Variants in SNX29 observed in about 807,000 individuals in gnomAD.
SNX29 encodes the protein sorting nexin 29.
In SNX29, 78 loss-of-function variants were observed where a neutral mutation model predicts 102.1. The observed-to-expected ratio is 0.76, with a 90% CI of 0.64 to 0.92. SNX29 has a LOEUF of 0.92. Ranked by LOEUF, SNX29 falls within the 40% of genes least tolerant of loss-of-function variation. The pLI is 0.00. For missense variants in SNX29, 1,280 were observed against 1,061.7 expected, an observed-to-expected ratio of 1.21 and a Z score of -2.86; for synonymous variants, 580 against 414.5, an observed-to-expected ratio of 1.40 and a Z score of -4.85.
In SNX29 at chr16:12,082,435, G is replaced by A. The variant is rs560093917; in HGVS notation, c.1402+3520G>A. 5.3e-5 allele frequency among the ~76,000 whole-genome samples: 8 copies of A among 152,270 alleles called. No homozygotes were observed. The East Asian group carries it at 9.7e-4, about 18-fold the overall frequency. On this transcript the variant is annotated intron_variant, in intron 11 of 20. Coordinates refer to ENST00000566228, the MANE Select transcript of SNX29 (RefSeq NM_032167.5). ...CATGGTGTCTGGGCCTTCCTCAGCC[G>A]CTTTCTGTCTTTGAGGAAGTCACTG...
chr16:12,208,514 G>C (rs2077103079), intron 14 of SNX29, among the ~76,000 whole-genome samples: 1 of 152,154 alleles, frequency 6.6e-6, no homozygotes, highest in South Asian at 2.1e-4. Flanking sequence ...ACTTGGCTGG[G>C]TGTGGTGGCT....
intron 19 of SNX29, among the ~76,000 whole-genome samples, chr16:12,516,788 A>T (rs555155216): frequency 6.6e-6 from 1 of 152,310 alleles, no homozygotes; most frequent in East Asian, 1.9e-4. Context: ...GGAGGGGCCC[A>T]CTGGGGAGCG....
intron 20 of SNX29, chr16:12,557,451 T>G (rs1022417760): frequency 2.6e-5 from 4 of 152,186 alleles, no homozygotes; most frequent in African/African-American, 9.7e-5. Flanking sequence ...AACCTCCTCC[T>G]CCTGGGTTCA....
chr16:12,251,284 G>C (rs1018509778), intron 14 of SNX29, among the ~76,000 whole-genome samples: 5 of 152,234 alleles, frequency 3.3e-5, no homozygotes, highest in African/African-American at 1.2e-4. Flanking sequence ...CAAGGACTTA[G>C]AACAGCAGAA....
intron 15 of SNX29, among the ~76,000 whole-genome samples, chr16:12,305,514 A>G (rs1047274329): frequency 6.6e-6 from 1 of 152,180 alleles, no homozygotes; most frequent in Non-Finnish European, 1.5e-5. Context: ...GTGTGGAGCC[A>G]TAGGCCAGAG....
At chr16:12,321,857 A>T (rs983125292) in intron 15 of SNX29, among the ~76,000 whole-genome samples, 3 of 152,156 alleles carry the variant, frequency 2.0e-5, no homozygotes, top group Non-Finnish European at 2.9e-5. Flanking sequence ...GGTGGGGAAG[A>T]CAGAGAGCCG....
chr16:12,043,020 A>G lies in SNX29; in HGVS notation c.371A>G (p.Asn124Ser), dbSNP rs765698823. The G allele has an allele frequency of 4.3e-6, 7 of 1,613,486 alleles. No homozygotes were observed. Among genetic ancestry groups the G allele is most frequent in the Admixed American group, 3.3e-5 (2 of 59,980 alleles). ...CGCGCCTGGCTGCGCTGTGCCCTCA[A>G]CGAACACTCCCTGGAGCGCTACCTG... is the stretch of plus-strand genomic sequence containing the variant. ...RGRAWLRCALNEHSLERYLHM... is the reference protein window; with the variant it reads ...RGRAWLRCALSEHSLERYLHM... Residue 124 changes from asparagine to serine, a missense_variant, in exon 5 of 21, where the codon AAC becomes AGC. Asn to Ser is a conservative substitution (Grantham distance 46). Coordinates refer to ENST00000566228, the MANE Select transcript of SNX29 (RefSeq NM_032167.5).
intron 14 of SNX29, among the ~76,000 whole-genome samples, chr16:12,231,399 C>T (rs181547328): frequency 3.8e-4 from 58 of 152,206 alleles, no homozygotes; most frequent in South Asian, 1.0e-3. Flanking sequence ...GCTTTTTACC[C>T]CACTTAATCG....
chr16:12,053,687 A>G (rs2050400881), intron 8 of SNX29, among the ~76,000 whole-genome samples: 2 of 147,836 alleles, frequency 1.4e-5, no homozygotes, highest in Admixed American at 1.4e-4. Context: ...TTCTGATGAG[A>G]CTGTGCCTAT....
At chr16:12,554,394 G>A (rs2078191325) in intron 20 of SNX29, among the ~76,000 whole-genome samples, 1 of 152,120 alleles carries the variant, frequency 6.6e-6, no homozygotes, top group Admixed American at 6.5e-5. Flanking sequence ...CCCGTGCATG[G>A]GTGTGCATCG....
At chr16:12,260,960 T>G (rs1307033142) in intron 14 of SNX29, among the ~76,000 whole-genome samples, 1 of 150,022 alleles carries the variant, frequency 6.7e-6, no homozygotes, top group Non-Finnish European at 1.5e-5. Flanking sequence ...TTTGCTGAGC[T>G]CGGGTCTGTG....
chr16:12,234,901 C>A (rs1427313103), intron 14 of SNX29, among the ~76,000 whole-genome samples: 2 of 152,290 alleles, frequency 1.3e-5, no homozygotes, highest in Non-Finnish European at 2.9e-5. Context: ...AGCTCCCTAC[C>A]TTACACGTGG....
intron 15 of SNX29, among the ~76,000 whole-genome samples, chr16:12,350,467 C>G (rs1597029608): frequency 6.6e-6 from 1 of 152,264 alleles, no homozygotes; most frequent in African/African-American, 2.4e-5. Flanking sequence ...ATGGATTTTG[C>G]TATCCGTGTG....
rs146425154 is a variant in SNX29, at chr16:12,275,978, C to T, written c.1679-1955C>T. 7.5e-3 allele frequency among the ~76,000 whole-genome samples: 1,117 copies of T among 149,366 alleles called. 15 individuals are homozygous for T. Among genetic ancestry groups the T allele is most frequent in the African/African-American group, 0.026 (1,026 of 40,174 alleles). On this transcript the variant is annotated intron_variant, in intron 14 of 20. Coordinates refer to ENST00000566228, the MANE Select transcript of SNX29 (RefSeq NM_032167.5). ...CACCATCTCGGCTCGCTGCAATCTC[C>T]GTCTCCCTGGTTTAAGTGACTCTTC...
intron 16 of SNX29, among the ~76,000 whole-genome samples, chr16:12,386,473 C>A (rs895629659): frequency 6.6e-6 from 1 of 152,156 alleles, no homozygotes; most frequent in Non-Finnish European, 1.5e-5. Context: ...GCAATGTGAA[C>A]TGGGTGGCTG....
At chr16:12,486,670 T>C (rs2088253911) in intron 19 of SNX29, among the ~76,000 whole-genome samples, 1 of 152,234 alleles carries the variant, frequency 6.6e-6, no homozygotes, top group Non-Finnish European at 1.5e-5. Flanking sequence ...CAGTCAGCCG[T>C]TGCCCATTTG....
At chr16:12,564,642 T>G (rs1360575083) in intron 20 of SNX29, among the ~76,000 whole-genome samples, 2 of 152,076 alleles carry the variant, frequency 1.3e-5, no homozygotes, top group Non-Finnish European at 2.9e-5. Context: ...GAGTCCCTGC[T>G]GGGGAGCAGG....
At chr16:12,350,232 G>A (rs1230546326) in intron 15 of SNX29, among the ~76,000 whole-genome samples, 1 of 152,176 alleles carries the variant, frequency 6.6e-6, no homozygotes. Flanking sequence ...ACCAACTGGG[G>A]AGCAAAAATA....
intron 11 of SNX29, chr16:12,086,804 A>G (rs891384251): frequency 1.3e-5 from 2 of 152,130 alleles, no homozygotes; most frequent in South Asian, 2.1e-4. Context: ...TGCGGCAACA[A>G]TGTTTCAATA....
Sources: gnomAD v4.1 joint callset for allele counts (sites outside exome capture counted in the v4.1 genomes callset) on GRCh38, gnomAD v4.1.1 for gene constraint, MANE v1.5 for transcripts, NCBI Gene and HGNC (gene_info 2026-07-23, HGNC 2026-07-21) for gene names.